The following PCSK5 variants were observed in gnomAD, a reference collection of about 807,000 sequenced individuals.
PCSK5 encodes the protein prohormone convertase 5.
In PCSK5, 129 loss-of-function variants were observed where a neutral mutation model predicts 233.2. That is an observed-to-expected ratio of 0.55 (90% CI 0.48 to 0.64). The LOEUF (loss-of-function observed/expected upper bound fraction) is 0.64, where lower values mean the gene tolerates loss of function less well. Among genes scored for constraint, PCSK5 ranks in the 30% least tolerant of loss-of-function variants. The pLI, the probability that PCSK5 is intolerant of heterozygous loss-of-function variation, is 0.00. For missense variants in PCSK5, 2,076 were observed against 2,430.1 expected (o/e 0.85, Z 3.06); for synonymous variants, 825 against 879.2 (o/e 0.94, Z 1.09).
chr9:76,152,250 A>G (rs1237532809), intron 10 of PCSK5, among the ~76,000 whole-genome samples: 2 of 152,208 alleles, frequency 1.3e-5, no homozygotes, highest in Admixed American at 1.3e-4. Flanking sequence ...GGGAATTCCC[A>G]GGGCACAAGC....
rs564241345 is a variant in PCSK5 at position 76,338,639 on chromosome 9, C to T, written c.4966+192C>T. 3.3e-5 allele frequency among the ~76,000 whole-genome samples: 5 copies of T among 152,288 alleles called. No homozygotes were observed. The South Asian group carries it at 8.3e-4, about 25-fold the overall frequency. ...CATCTTCCCTCTAACCTGGGCTGCT[C>T]CTGCCCATCCCCCATCCTTCAAGGC... On this transcript the variant is annotated intron_variant, in intron 35 of 37. Coordinates refer to ENST00000674117, the MANE Select transcript of PCSK5 (RefSeq NM_001372043.1).
chr9:76,019,523 C>T (rs776113250), intron 3 of PCSK5, among the ~76,000 whole-genome samples: 1 of 152,056 alleles, frequency 6.6e-6, no homozygotes, highest in Non-Finnish European at 1.5e-5. Flanking sequence ...TCATTGGAGA[C>T]CCTCAGAACT....
At chr9:76,189,447 G>T (rs1325491476) in intron 19 of PCSK5, among the ~76,000 whole-genome samples, 184 bp from the exon 20 acceptor site, 2 of 152,110 alleles carry the variant, frequency 1.3e-5, no homozygotes. Flanking sequence ...TCAAGTACAT[G>T]CTCCATACCC....
chr9:76,343,866 T>C (rs1331535420), intron 35 of PCSK5, among the ~76,000 whole-genome samples: 1 of 152,184 alleles, frequency 6.6e-6, no homozygotes, highest in Non-Finnish European at 1.5e-5. Flanking sequence ...CTAGTTTAAT[T>C]TGTGTAATTG....
chr9:76,095,480 G>A (rs1166914372), intron 7 of PCSK5, among the ~76,000 whole-genome samples: 2 of 152,018 alleles, frequency 1.3e-5, no homozygotes, highest in Non-Finnish European at 2.9e-5. Flanking sequence ...ACCACTTACT[G>A]TTTATGACCT....
chr9:76,272,927 T>C (rs543509811), intron 24 of PCSK5, among the ~76,000 whole-genome samples: 2 of 152,110 alleles, frequency 1.3e-5, no homozygotes, highest in South Asian at 4.2e-4. Flanking sequence ...TTACTCTAGC[T>C]ACCCCAAACT....
chr9:76,079,365 C>G (rs1387557918), intron 7 of PCSK5, among the ~76,000 whole-genome samples: 1 of 152,040 alleles, frequency 6.6e-6, no homozygotes, highest in Non-Finnish European at 1.5e-5. Context: ...TCTCGAACTG[C>G]TGACCTCAGG....
chr9:76,043,233 G>T (rs1388179984), intron 5 of PCSK5, among the ~76,000 whole-genome samples: 3 of 151,230 alleles, frequency 2.0e-5, no homozygotes, highest in Non-Finnish European at 4.4e-5. Context: ...TAGTCCCAGA[G>T]GCTGAGGCAG....
At chr9:76,208,706 A>G (rs564391334) in intron 20 of PCSK5, among the ~76,000 whole-genome samples, 18 of 152,320 alleles carry the variant, frequency 1.2e-4, no homozygotes, top group Non-Finnish European at 2.5e-4. Flanking sequence ...TTCTTTTCAT[A>G]TGAGAATGTT....
chr9:76,088,597 T>C (rs772626127), intron 7 of PCSK5, among the ~76,000 whole-genome samples: 1 of 152,174 alleles, frequency 6.6e-6, no homozygotes, highest in Non-Finnish European at 1.5e-5. Flanking sequence ...ATGGATGATC[T>C]TATTCCCTGA....
intron 1 of PCSK5, among the ~76,000 whole-genome samples, chr9:75,898,137 T>C (rs1470124217): frequency 6.6e-6 from 1 of 152,208 alleles, no homozygotes; most frequent in African/African-American, 2.4e-5. Flanking sequence ...CTTAGTTTGT[T>C]TCATTGCAGA....
intron 4 of PCSK5, among the ~76,000 whole-genome samples, 199 bp from the exon 5 acceptor site, chr9:76,026,762 A>G (rs1828441575): frequency 6.6e-6 from 1 of 152,090 alleles, no homozygotes; most frequent in African/African-American, 2.4e-5. Flanking sequence ...CTTAAGGGGG[A>G]AAAATATGGC....
At chr9:76,112,633 A>G (rs1435094515) in intron 9 of PCSK5, among the ~76,000 whole-genome samples, 1 of 152,176 alleles carries the variant, frequency 6.6e-6, no homozygotes, top group Non-Finnish European at 1.5e-5. Context: ...TTATGAGTAT[A>G]TAACAAATAT....
chr9:76,100,800 C>T (rs1831722851), intron 8 of PCSK5, among the ~76,000 whole-genome samples: 2 of 152,168 alleles, frequency 1.3e-5, no homozygotes, highest in Non-Finnish European at 2.9e-5. Flanking sequence ...AGTTGAACCT[C>T]TTGCAAAAAA....
intron 30 of PCSK5, among the ~76,000 whole-genome samples, chr9:76,313,388 T>A (rs1035523950): frequency 6.6e-6 from 1 of 152,232 alleles, no homozygotes; most frequent in African/African-American, 2.4e-5. Flanking sequence ...CAGAACATTG[T>A]CATCAACCTA....
intron 1 of PCSK5, among the ~76,000 whole-genome samples, chr9:75,920,432 A>T (rs2131254829): frequency 6.6e-6 from 1 of 152,156 alleles, no homozygotes; most frequent in Admixed American, 6.6e-5. Context: ...AGAATCTATC[A>T]CATACTTTTA....
chr9:75,992,597 A>C (rs1826816724), intron 3 of PCSK5, among the ~76,000 whole-genome samples: 1 of 152,166 alleles, frequency 6.6e-6, no homozygotes, highest in African/African-American at 2.4e-5. Flanking sequence ...ACATACACAC[A>C]CATACACACA....
chr9:75,995,252 A>C (rs558033325), intron 3 of PCSK5, among the ~76,000 whole-genome samples: 1 of 152,156 alleles, frequency 6.6e-6, no homozygotes, highest in Non-Finnish European at 1.5e-5. Context: ...TATCCTTCCC[A>C]TTAGATACAT....
chr9:75,974,993 C>T (rs891972640), intron 2 of PCSK5, among the ~76,000 whole-genome samples: 4 of 152,102 alleles, frequency 2.6e-5, no homozygotes, highest in African/African-American at 9.7e-5. Context: ...AATTGGTCAC[C>T]CCTTGACTTC....
Sources: allele counts gnomAD v4.1 joint callset (sites outside exome capture counted in the v4.1 genomes callset), GRCh38; gene constraint gnomAD v4.1.1; transcripts MANE v1.5; gene names NCBI Gene and HGNC (gene_info 2026-07-23, HGNC 2026-07-21).